The following PKIB variants were observed in gnomAD, a reference collection of about 807,000 sequenced individuals.
PKIB encodes cAMP-dependent protein kinase inhibitor beta.
A neutral mutation model predicts 4.5 loss-of-function variants in PKIB; 2 were observed. The observed-to-expected ratio is 0.44, with a 90% CI of 0.18 to 1.39. The LOEUF (loss-of-function observed/expected upper bound fraction) is 1.39. Among genes scored for constraint, PKIB ranks in the 40% most tolerant of loss-of-function variants. The pLI, the probability that PKIB is intolerant of heterozygous loss-of-function variation, is 0.27. For synonymous variants in PKIB, 38 were observed against 36.0 expected, an observed-to-expected ratio of 1.06 and a Z score of -0.20; for missense variants, 94 against 92.6, an observed-to-expected ratio of 1.02 and a Z score of -0.06.
chr6:122,665,068 T>C (rs925096432), intron 2 of PKIB, among the ~76,000 whole-genome samples: 10 of 152,188 alleles, frequency 6.6e-5, no homozygotes, highest in African/African-American at 2.4e-4. Flanking sequence ...TCTCCAGTTC[T>C]AGAAAGATCA....
chr6:122,652,049 T>G (rs1416799071), intron 2 of PKIB, among the ~76,000 whole-genome samples: 1 of 152,094 alleles, frequency 6.6e-6, no homozygotes, highest in Non-Finnish European at 1.5e-5. Context: ...TTTAATACCT[T>G]TAAATTTAAT....
chr6:122,595,496 G>A (rs548772408), intron 3 of PKIB, among the ~76,000 whole-genome samples: 1 of 152,268 alleles, frequency 6.6e-6, no homozygotes, highest in African/African-American at 2.4e-5. Context: ...GTCCACAGAT[G>A]GTAGTCTTGG....
chr6:122,723,298 G>T (rs1447826330), intron 4 of PKIB, among the ~76,000 whole-genome samples: 2 of 152,106 alleles, frequency 1.3e-5, no homozygotes, highest in Non-Finnish European at 2.9e-5. Context: ...TGCCTAATTG[G>T]CGTCTCCGCT....
intron 2 of PKIB, among the ~76,000 whole-genome samples, chr6:122,661,350 A>G (rs1776982457): frequency 6.6e-6 from 1 of 152,002 alleles, no homozygotes; most frequent in African/African-American, 2.4e-5. Context: ...GTGACTCCCT[A>G]TTTCCCCCAA....
intron 1 of PKIB, among the ~76,000 whole-genome samples, chr6:122,621,981 A>G (rs1348390633): frequency 6.6e-6 from 1 of 152,124 alleles, no homozygotes; most frequent in Non-Finnish European, 1.5e-5. Context: ...AGTAAGTCAC[A>G]TATGGATTAA....
chr6:122,475,743 G>A (rs1242989669), intron 1 of PKIB, among the ~76,000 whole-genome samples: 1 of 152,146 alleles, frequency 6.6e-6, no homozygotes, highest in Non-Finnish European at 1.5e-5. Context: ...CTGAGATCAC[G>A]CCACTGCACT....
intron 3 of PKIB, among the ~76,000 whole-genome samples, chr6:122,695,848 T>C (rs1778549436): frequency 6.6e-6 from 1 of 152,140 alleles, no homozygotes; most frequent in Non-Finnish European, 1.5e-5. Context: ...AGGGAATCTA[T>C]CTCTCCTCTC....
At chr6:122,662,408 C>T (rs766662935) in intron 2 of PKIB, among the ~76,000 whole-genome samples, 18 of 145,608 alleles carry the variant, frequency 1.2e-4, no homozygotes, top group African/African-American at 1.8e-4. Flanking sequence ...CTCCGCCTCC[C>T]GGGTTCAAGC....
chr6:122,558,673 A>C (rs1246631066), intron 2 of PKIB, among the ~76,000 whole-genome samples: 1 of 152,018 alleles, frequency 6.6e-6, no homozygotes, highest in African/African-American at 2.4e-5. Context: ...GTAATATAAT[A>C]AAACTCCTTC....
At chr6:122,714,686 G>A (rs779856235) in intron 3 of PKIB, among the ~76,000 whole-genome samples, 1 of 152,128 alleles carries the variant, frequency 6.6e-6, no homozygotes, top group Non-Finnish European at 1.5e-5. Flanking sequence ...AGGGTGGAGG[G>A]TGGGAGGTGG....
chr6:122,559,086 C>A (rs1169070160), intron 2 of PKIB, among the ~76,000 whole-genome samples: 1 of 151,980 alleles, frequency 6.6e-6, no homozygotes, highest in Non-Finnish European at 1.5e-5. Flanking sequence ...TAATTCATTC[C>A]TTTTTATGGC....
chr6:122,565,370 G>GTAAAGAT (rs1326833257), intron 2 of PKIB, among the ~76,000 whole-genome samples: 2 of 152,002 alleles, frequency 1.3e-5, no homozygotes, highest in Non-Finnish European at 2.9e-5. Context: ...TTTTCTTGGG[G>GTAAAGAT]TAAAGATTTT....
At chr6:122,571,781 C>T (rs940888289) in intron 2 of PKIB, among the ~76,000 whole-genome samples, 1 of 152,050 alleles carries the variant, frequency 6.6e-6, no homozygotes, top group Admixed American at 6.6e-5. Flanking sequence ...AATGGAACCT[C>T]CTTAAAGCAT....
At chr6:122,669,036 G>A (rs529430861) in intron 2 of PKIB, among the ~76,000 whole-genome samples, 1 of 152,038 alleles carries the variant, frequency 6.6e-6, no homozygotes, top group Non-Finnish European at 1.5e-5. Context: ...AAAATATATT[G>A]AGACCCCATT....
chr6:122,594,445 T>A (rs1223781776), intron 3 of PKIB, among the ~76,000 whole-genome samples: 1 of 152,208 alleles, frequency 6.6e-6, no homozygotes, highest in East Asian at 1.9e-4. Flanking sequence ...GACCTCATGA[T>A]CTGCCCGCCT....
At chr6:122,576,461 G>A (rs1773532717) in intron 2 of PKIB, among the ~76,000 whole-genome samples, 2 of 151,824 alleles carry the variant, frequency 1.3e-5, no homozygotes, top group Non-Finnish European at 2.9e-5. Flanking sequence ...GAGGTCAGGA[G>A]ATCAAGACCA....
chr6:122,528,066 A>G (rs754553314), intron 2 of PKIB, among the ~76,000 whole-genome samples: 2 of 152,142 alleles, frequency 1.3e-5, no homozygotes, highest in Non-Finnish European at 1.5e-5. Flanking sequence ...TATTTGGTGC[A>G]TAAATACTTA....
At chr6:122,552,506 A>T (rs1346560546) in intron 2 of PKIB, among the ~76,000 whole-genome samples, 1 of 152,010 alleles carries the variant, frequency 6.6e-6, no homozygotes, top group Non-Finnish European at 1.5e-5. Context: ...CCTCCCTAGT[A>T]GCTGGGATTA....
intron 2 of PKIB, among the ~76,000 whole-genome samples, chr6:122,504,668 A>G (rs565187031): frequency 6.6e-6 from 1 of 152,348 alleles, no homozygotes; most frequent in South Asian, 2.1e-4. Context: ...TTATTTTAAA[A>G]ATTAAAATTT....
Sources: gnomAD v4.1 joint callset for allele counts (sites outside exome capture counted in the v4.1 genomes callset) on GRCh38, gnomAD v4.1.1 for gene constraint, MANE v1.5 for transcripts, NCBI Gene and HGNC (gene_info 2026-07-23, HGNC 2026-07-21) for gene names.